EPC2: variants seen among roughly 807,000 people sequenced by gnomAD.
The protein encoded by EPC2 is enhancer of polycomb homolog 2.
Under a neutral mutation model 92.1 loss-of-function variants are expected in EPC2, and 14 were observed. That is an observed-to-expected ratio of 0.15 (90% CI 0.10 to 0.24). EPC2 has a LOEUF of 0.24. Among genes scored for constraint, EPC2 ranks in the 10% least tolerant of loss-of-function variants. EPC2 has a pLI of 1.00. For synonymous variants in EPC2, 340 were observed against 334.7 expected (o/e 1.02, Z -0.17); for missense variants, 755 against 971.5 (o/e 0.78, Z 2.96).
At chr2:148,745,318 G>A (rs1294427254) in intron 3 of EPC2, among the ~76,000 whole-genome samples, 1 of 152,038 alleles carries the variant, frequency 6.6e-6, no homozygotes, top group Non-Finnish European at 1.5e-5. Flanking sequence ...CATAGTGGCT[G>A]AGATGATACC....
At chr2:148,773,776 G>A (rs2105433648) in intron 10 of EPC2, among the ~76,000 whole-genome samples, 1 of 152,154 alleles carries the variant, frequency 6.6e-6, no homozygotes, top group Admixed American at 6.5e-5. Context: ...TCTTAGTTCT[G>A]GTTAGATAAT....
Position 148,644,912 on chromosome 2 carries a change from C to A in EPC2, c.-106C>A. ...GTGAGGAGGAGGAGGAGCGGGCCGG[C>A]CGCGCTGCACTGAGGAAGGAGGTGG... On this transcript the variant is annotated 5_prime_UTR_variant, in exon 1 of 14. Transcript: ENST00000258484. 1 of 997,052 alleles carries A rather than the reference C, an allele frequency of 1.0e-6. No homozygotes were observed. Among genetic ancestry groups the A allele is most frequent in the Non-Finnish European group, 1.5e-6 (1 of 676,956 alleles). The allele number at this position is 997,052 out of a possible 1,614,324, so 61.8% of individuals were successfully genotyped here. A position where few individuals can be genotyped will look rare whatever the true frequency, so the allele number is the denominator to read the frequency against.
chr2:148,691,449 C>G, intron 2 of EPC2: 1 of 1,434,126 alleles, frequency 7.0e-7, no homozygotes, highest in Non-Finnish European at 9.6e-7. Flanking sequence ...AAAGAGTTCC[C>G]TGTGTGATTC....
chr2:148,748,578 C>T (rs1471073364), intron 3 of EPC2, among the ~76,000 whole-genome samples: 1 of 152,038 alleles, frequency 6.6e-6, no homozygotes, highest in Non-Finnish European at 1.5e-5. Context: ...TAGATTATTT[C>T]ACATTTTGGA....
chr2:148,755,089 T>C (rs1224204784), intron 4 of EPC2, among the ~76,000 whole-genome samples: 2 of 152,146 alleles, frequency 1.3e-5, no homozygotes, highest in Non-Finnish European at 2.9e-5. Context: ...CCAAGGATAG[T>C]ATATTTTAGG....
chr2:148,765,755 C>T (rs1244936844), intron 7 of EPC2, among the ~76,000 whole-genome samples: 2 of 152,104 alleles, frequency 1.3e-5, no homozygotes, highest in Admixed American at 6.6e-5. Flanking sequence ...TTAAAAGATC[C>T]GGCCAGGCGT....
In EPC2 at chr2:148,766,976, G is replaced by T. The variant is rs545791103; in HGVS notation, c.1140+1830G>T. On this transcript the variant is annotated intron_variant, in intron 7 of 13. Transcript: ENST00000258484. ...AAGCAGGTGGATTGCTTGAGCCCAG[G>T]ACTTGGAGACCAGCCTGGGCAACAT... 2.1e-3 allele frequency among the ~76,000 whole-genome samples: 313 copies of T among 152,190 alleles called. 1 individual carries two copies. Among genetic ancestry groups the T allele is most frequent in the African/African-American group, 7.2e-3 (300 of 41,522 alleles).
intron 2 of EPC2, among the ~76,000 whole-genome samples, chr2:148,719,862 C>T (rs1287127769): frequency 2.6e-5 from 4 of 152,270 alleles, no homozygotes; most frequent in Non-Finnish European, 5.9e-5. Flanking sequence ...AAGGTGGCAA[C>T]CTGCCCCACT....
At chr2:148,698,841 T>A (rs1452939207) in intron 2 of EPC2, among the ~76,000 whole-genome samples, 57 of 147,920 alleles carry the variant, frequency 3.9e-4, no homozygotes, top group African/African-American at 1.4e-3. Context: ...TTTTTTTTTT[T>A]AAAAAAAAAG....
rs749879552 is a variant in EPC2, at chr2:148,761,936, A to AT, written c.815+8dup. 1.3e-6 allele frequency: 2 copies of AT among 1,577,270 alleles called. No individual in the cohort carries two copies. The highest frequency in any genetic ancestry group is 3.9e-5 in the Admixed American group (2 of 50,884). On this transcript the variant is annotated splice_region_variant and intron_variant, in intron 5 of 13. Transcript: ENST00000258484. ...TTAGAAGTTGTGGAGAAAAGGTAAC[A>AT]TTGCTCCTGTTACAACAGTAAAATG...
chr2:148,748,135 C>T (rs1321258466), intron 3 of EPC2, among the ~76,000 whole-genome samples: 5 of 152,060 alleles, frequency 3.3e-5, no homozygotes, highest in African/African-American at 4.8e-5. Flanking sequence ...AAGATTGTTT[C>T]ACAAACTTGT....
At chr2:148,686,786 A>C (rs1232135109) in intron 1 of EPC2, among the ~76,000 whole-genome samples, 4 of 152,156 alleles carry the variant, frequency 2.6e-5, no homozygotes, top group Non-Finnish European at 5.9e-5. Context: ...TTCCCTGAGC[A>C]GTAGCCCTCA....
At position 148,787,492 on chromosome 2, in the gene EPC2, A is replaced by G. The variant is rs927383108; in HGVS notation, c.*1115A>G. On this transcript the variant is annotated 3_prime_UTR_variant, in exon 14 of 14. Coordinates refer to ENST00000258484, the MANE Select transcript of EPC2 (RefSeq NM_015630.4). ...GTTTCAGAATGTTTGTTTATGCACT[A>G]GTTCAGACAACTTTCCCTGTTACTT... 6.6e-6 allele frequency: 1 copy of G among 152,650 alleles called. No homozygotes were observed. Among genetic ancestry groups the G allele is most frequent in the Non-Finnish European group, 1.5e-5 (1 of 68,036 alleles). The allele number at this position is 152,650 out of a possible 1,614,324, so 9.5% of individuals were successfully genotyped here. A position where few individuals can be genotyped will look rare whatever the true frequency, so the allele number is the denominator to read the frequency against.
At chr2:148,771,528 C>A in intron 10 of EPC2, 141 bp downstream of exon 10, 5 of 740,946 alleles carry the variant, frequency 6.7e-6, no homozygotes, top group Non-Finnish European at 1.1e-5. Flanking sequence ...ACATTTTAAC[C>A]AAATTGTCCT....
chr2:148,716,945 G>T (rs1208594988), intron 2 of EPC2, among the ~76,000 whole-genome samples: 1 of 152,050 alleles, frequency 6.6e-6, no homozygotes, highest in African/African-American at 2.4e-5. Flanking sequence ...TAGGGATTCA[G>T]TTTCTTCCTG....
intron 6 of EPC2, among the ~76,000 whole-genome samples, chr2:148,763,812 T>C (rs888700934): frequency 3.3e-5 from 5 of 152,242 alleles, no homozygotes; most frequent in African/African-American, 1.2e-4. Flanking sequence ...TTTGTGTCAA[T>C]CAATGCTTTT....
intron 1 of EPC2, among the ~76,000 whole-genome samples, chr2:148,671,816 C>A (rs1681160593): frequency 6.6e-6 from 1 of 151,990 alleles, no homozygotes; most frequent in South Asian, 2.1e-4. Flanking sequence ...TTCCTCCTTG[C>A]ATTTTTAGTT....
At chr2:148,701,117 G>A (rs1224467658) in intron 2 of EPC2, among the ~76,000 whole-genome samples, 1 of 152,076 alleles carries the variant, frequency 6.6e-6, no homozygotes, top group Non-Finnish European at 1.5e-5. Flanking sequence ...TATTAACTTT[G>A]TATGCTACAG....
At chr2:148,645,479 G>A in intron 1 of EPC2, 1 of 355,114 alleles carries the variant, frequency 2.8e-6, no homozygotes, top group Admixed American at 4.8e-5. Context: ...CTTGGCGTAC[G>A]GTCTCTGTTT....
Sources: gnomAD v4.1 joint callset for allele counts (sites outside exome capture counted in the v4.1 genomes callset) on GRCh38, gnomAD v4.1.1 for gene constraint, MANE v1.5 for transcripts, NCBI Gene and HGNC (gene_info 2026-07-23, HGNC 2026-07-21) for gene names.